Variants in PAK5 observed in about 807,000 individuals in gnomAD.
PAK5 encodes the protein serine/threonine-protein kinase PAK 5.
PAK5 carries 16 observed loss-of-function variants against 65.9 expected under a neutral mutation model. The ratio of observed to expected loss-of-function variants is 0.24; its 90% CI spans 0.16 to 0.37. The LOEUF (loss-of-function observed/expected upper bound fraction) is 0.37. PAK5 is among the 10% of genes least tolerant of loss of function. The pLI is 1.00. For synonymous variants in PAK5, 371 were observed against 354.9 expected, an observed-to-expected ratio of 1.05 and a Z score of -0.51; for missense variants, 785 against 903.9, an observed-to-expected ratio of 0.87 and a Z score of 1.69.
chr20:9,709,515 G>A (rs1296421360), intron 2 of PAK5, among the ~76,000 whole-genome samples: 1 of 152,120 alleles, frequency 6.6e-6, no homozygotes, highest in Non-Finnish European at 1.5e-5. Flanking sequence ...GAGCTGTGTG[G>A]TACAAAATAC....
chr20:9,565,487 A>T (rs917758303), intron 5 of PAK5, among the ~76,000 whole-genome samples: 2 of 152,222 alleles, frequency 1.3e-5, no homozygotes, highest in Non-Finnish European at 2.9e-5. Flanking sequence ...AAATATATAC[A>T]TACTCATGTA....
intron 3 of PAK5, among the ~76,000 whole-genome samples, chr20:9,614,760 G>T (rs1312509311): frequency 6.6e-6 from 1 of 152,188 alleles, no homozygotes; most frequent in African/African-American, 2.4e-5. Context: ...AGACTTAAAG[G>T]CTTTCTCAGA....
intron 1 of PAK5, among the ~76,000 whole-genome samples, chr20:9,722,835 C>A (rs2048233739): frequency 6.6e-6 from 1 of 151,570 alleles, no homozygotes; most frequent in Non-Finnish European, 1.5e-5. Context: ...CTCCCAGGCC[C>A]AACTGATTCT....
intron 3 of PAK5, among the ~76,000 whole-genome samples, chr20:9,642,565 A>G (rs2047083182): frequency 1.3e-5 from 2 of 152,234 alleles, no homozygotes; most frequent in African/African-American, 4.8e-5. Context: ...AAGAAAAATA[A>G]TGAAACTAAA....
intron 1 of PAK5, among the ~76,000 whole-genome samples, chr20:9,786,833 A>G (rs1176937419): frequency 2.6e-5 from 4 of 152,162 alleles, no homozygotes; most frequent in Admixed American, 6.6e-5. Flanking sequence ...CATTTGAAAA[A>G]TGTCACAAAA....
intron 3 of PAK5, among the ~76,000 whole-genome samples, chr20:9,641,138 G>C (rs1172405743): frequency 1.3e-5 from 2 of 152,052 alleles, no homozygotes; most frequent in African/African-American, 4.8e-5. Context: ...CATCAGATTA[G>C]TTAGATACAG....
chr20:9,681,465 G>T (rs1357591721), intron 2 of PAK5, among the ~76,000 whole-genome samples: 1 of 151,840 alleles, frequency 6.6e-6, no homozygotes, highest in African/African-American at 2.4e-5. Flanking sequence ...ATTTTTCTCT[G>T]CTTTCTGGCT....
intron 3 of PAK5, among the ~76,000 whole-genome samples, chr20:9,590,557 T>C (rs2046151074): frequency 6.6e-6 from 1 of 151,374 alleles, no homozygotes; most frequent in South Asian, 2.1e-4. Context: ...AACCCTGATC[T>C]AGATACACAG....
rs2047029803 is a variant in PAK5, at chr20:9,639,940, G to A, written c.204+4185C>T. 2.0e-5 allele frequency among the ~76,000 whole-genome samples: 3 copies of A among 152,224 alleles called. No homozygotes were observed. In the South Asian group the frequency reaches 6.2e-4, roughly 31 times the overall value. On this transcript the variant is annotated intron_variant, in intron 3 of 9. Transcript: ENST00000353224. ...CTTTCTTTGCTCTCAAACAGGACCT[G>A]CTAGGTTGTGGACAAGTGAAAAACC...
intron 1 of PAK5, among the ~76,000 whole-genome samples, chr20:9,811,799 GT>G (rs1206528609): frequency 6.6e-6 from 1 of 152,178 alleles, no homozygotes; most frequent in Non-Finnish European, 1.5e-5. Context: ...AATGGAAGAA[GT>G]TACTATGCTC....
At chr20:9,710,736 C>T (rs2048068194) in intron 2 of PAK5, among the ~76,000 whole-genome samples, 1 of 152,142 alleles carries the variant, frequency 6.6e-6, no homozygotes. Context: ...CAATAACTTC[C>T]ATCTTTATTA....
intron 1 of PAK5, among the ~76,000 whole-genome samples, chr20:9,770,022 G>C (rs2048815281): frequency 6.6e-6 from 1 of 152,144 alleles, no homozygotes; most frequent in South Asian, 2.1e-4. Context: ...GTGGTAGCTG[G>C]AGAGGCCTAG....
chr20:9,834,830 C>G (rs1979015734), intron 1 of PAK5, among the ~76,000 whole-genome samples: 1 of 151,668 alleles, frequency 6.6e-6, no homozygotes. Flanking sequence ...TATTGTTTAC[C>G]ATTAATTTCC....
At chr20:9,584,515 G>A (rs2046034549) in intron 3 of PAK5, among the ~76,000 whole-genome samples, 1 of 152,146 alleles carries the variant, frequency 6.6e-6, no homozygotes, top group Non-Finnish European at 1.5e-5. Flanking sequence ...GTTTCACCAT[G>A]TTGGTCAGGC....
intron 2 of PAK5, among the ~76,000 whole-genome samples, chr20:9,655,106 C>G (rs115983164): frequency 5.2e-4 from 79 of 152,056 alleles, no homozygotes; most frequent in African/African-American, 1.8e-3. Context: ...CCAAGCAGTT[C>G]ACCACCCTGT....
intron 3 of PAK5, among the ~76,000 whole-genome samples, chr20:9,621,529 A>C (rs1268421171): frequency 6.6e-6 from 1 of 152,022 alleles, no homozygotes; most frequent in Non-Finnish European, 1.5e-5. Flanking sequence ...TTGAAAAAAA[A>C]AAAAAAAAAT....
chr20:9,698,344 C>G (rs543400361), intron 2 of PAK5, among the ~76,000 whole-genome samples: 141 of 152,248 alleles, frequency 9.3e-4, no homozygotes, highest in Non-Finnish European at 1.6e-3. Context: ...GAGTTATACT[C>G]TTTGGCCAGC....
intron 1 of PAK5, among the ~76,000 whole-genome samples, chr20:9,758,098 T>C (rs1206585499): frequency 6.6e-6 from 1 of 152,218 alleles, no homozygotes; most frequent in East Asian, 1.9e-4. Flanking sequence ...AGCTTTTTTA[T>C]ACTTTCCTAC....
At chr20:9,683,900 G>T (rs891326073) in intron 2 of PAK5, among the ~76,000 whole-genome samples, 3 of 152,038 alleles carry the variant, frequency 2.0e-5, no homozygotes, top group Non-Finnish European at 4.4e-5. Flanking sequence ...TGAATGTAGT[G>T]CATTTACTTG....
Sources: gnomAD v4.1 joint callset for allele counts (sites outside exome capture counted in the v4.1 genomes callset) on GRCh38, gnomAD v4.1.1 for gene constraint, MANE v1.5 for transcripts, NCBI Gene and HGNC (gene_info 2026-07-23, HGNC 2026-07-21) for gene names.